RPS6KC1: variants seen among roughly 807,000 people sequenced by gnomAD.
The protein encoded by RPS6KC1 is inactive ribosomal protein S6 kinase delta-1.
RPS6KC1 carries 54 observed loss-of-function variants against 103.8 expected under a neutral mutation model. That is an observed-to-expected ratio of 0.52 (90% CI 0.42 to 0.65). The LOEUF is 0.65. RPS6KC1 is among the 30% of genes least tolerant of loss of function. The pLI is 0.00. For missense variants in RPS6KC1, 1,151 were observed against 1,253.8 expected (o/e 0.92, Z 1.24); for synonymous variants, 439 against 438.7 (o/e 1.00, Z -0.01).
chr1:213,513,492 G>T, the RPS6KC1 span, among the ~76,000 whole-genome samples: 2 of 152,126 alleles, frequency 1.3e-5, no homozygotes, highest in East Asian at 3.8e-4. Flanking sequence ...TCTCTTAAGG[G>T]TTTAGGGTGG....
the RPS6KC1 span, among the ~76,000 whole-genome samples, chr1:213,732,348 A>AGTGTGT: frequency 0.1 from 7,946 of 79,074 alleles, 278 homozygotes; most frequent in Middle Eastern, 0.24. Flanking sequence ...TGTATGTATG[A>AGTGTGT]GTGTGCGTGT....
chr1:213,163,409 C>T (rs2090660283), intron 6 of RPS6KC1, among the ~76,000 whole-genome samples: 1 of 152,214 alleles, frequency 6.6e-6, no homozygotes, highest in Non-Finnish European at 1.5e-5. Flanking sequence ...GGATTAACTT[C>T]TGTGCATGTG....
the RPS6KC1 span, among the ~76,000 whole-genome samples, chr1:213,681,898 C>T: frequency 6.6e-6 from 1 of 152,176 alleles, no homozygotes; most frequent in Non-Finnish European, 1.5e-5. Flanking sequence ...AAATTCAACA[C>T]AAGAGTCTCA....
At chr1:213,545,435 G>A in the RPS6KC1 span, among the ~76,000 whole-genome samples, 15,857 of 64,072 alleles carry the variant, frequency 0.25, 971 homozygotes, top group East Asian at 0.39. Flanking sequence ...TAAAATAAAA[G>A]AGAGAGAGAG....
the RPS6KC1 span, among the ~76,000 whole-genome samples, chr1:213,741,626 C>A: frequency 1.3e-5 from 2 of 152,126 alleles, no homozygotes; most frequent in Non-Finnish European, 2.9e-5. Context: ...CTGTTCCTGG[C>A]TCTGTGGAGA....
the RPS6KC1 span, among the ~76,000 whole-genome samples, chr1:213,719,245 A>G: frequency 1.3e-5 from 2 of 152,214 alleles, no homozygotes; most frequent in Non-Finnish European, 2.9e-5. Context: ...TATATTATTC[A>G]ATATAGTTAT....
the RPS6KC1 span, among the ~76,000 whole-genome samples, chr1:213,328,466 G>A: frequency 6.9e-6 from 1 of 144,888 alleles, no homozygotes; most frequent in Non-Finnish European, 1.5e-5. Flanking sequence ...TTCATCGTCT[G>A]TGTTCAACTT....
At chr1:213,414,018 G>T in the RPS6KC1 span, among the ~76,000 whole-genome samples, 21 of 152,196 alleles carry the variant, frequency 1.4e-4, no homozygotes, top group Admixed American at 1.4e-3. Context: ...TTACCCAGGG[G>T]TCTTCACTTT....
chr1:213,551,781 G>A, the RPS6KC1 span, among the ~76,000 whole-genome samples: 1 of 152,178 alleles, frequency 6.6e-6, no homozygotes, highest in East Asian at 1.9e-4. Flanking sequence ...TTGGACAAAT[G>A]TATGACAGGT....
chr1:213,390,995 A>G, the RPS6KC1 span, among the ~76,000 whole-genome samples: 1 of 151,922 alleles, frequency 6.6e-6, no homozygotes, highest in Non-Finnish European at 1.5e-5. Flanking sequence ...ATACCGATGT[A>G]TATGATTCTA....
chr1:213,474,057 C>T, the RPS6KC1 span, among the ~76,000 whole-genome samples: 1 of 152,206 alleles, frequency 6.6e-6, no homozygotes, highest in Non-Finnish European at 1.5e-5. Context: ...CCAGCTGCTT[C>T]TCCAAAGCTG....
At chr1:213,307,402 C>T in the RPS6KC1 span, among the ~76,000 whole-genome samples, 3 of 152,120 alleles carry the variant, frequency 2.0e-5, no homozygotes, top group African/African-American at 2.4e-5. Context: ...TCCCATAGAA[C>T]TAACCATATG....
At chr1:213,718,755 G>C in the RPS6KC1 span, among the ~76,000 whole-genome samples, 536 of 152,326 alleles carry the variant, frequency 3.5e-3, 2 homozygotes, top group African/African-American at 0.012. Flanking sequence ...CTGGGCTTTG[G>C]GGGAGGAGGT....
the RPS6KC1 span, among the ~76,000 whole-genome samples, chr1:213,843,003 C>T: frequency 6.6e-6 from 1 of 152,168 alleles, no homozygotes; most frequent in South Asian, 2.1e-4. Context: ...GTGGGGCTGG[C>T]AAATCAGTAG....
At chr1:213,110,258 T>G (rs900104430) in intron 4 of RPS6KC1, among the ~76,000 whole-genome samples, 1 of 152,232 alleles carries the variant, frequency 6.6e-6, no homozygotes, top group East Asian at 1.9e-4. Flanking sequence ...GTCACATACT[T>G]TCCTGTGTCT....
the RPS6KC1 span, among the ~76,000 whole-genome samples, chr1:213,859,337 T>C: frequency 7.2e-5 from 11 of 152,344 alleles, no homozygotes; most frequent in Admixed American, 3.9e-4. Flanking sequence ...AAAAGCATTA[T>C]TAACATGATT....
chr1:213,236,304 T>C (rs182673383), intron 10 of RPS6KC1, among the ~76,000 whole-genome samples: 58 of 152,334 alleles, frequency 3.8e-4, no homozygotes, highest in Non-Finnish European at 6.9e-4. Context: ...AGAGTCTGAA[T>C]GTATTTTGAA....
chr1:213,670,184 G>A, the RPS6KC1 span, among the ~76,000 whole-genome samples: 2 of 152,190 alleles, frequency 1.3e-5, no homozygotes, highest in African/African-American at 4.8e-5. Context: ...GTTCCTGTAG[G>A]TGAGAGAGGC....
At chr1:213,073,744 T>C (rs1313385788) in intron 2 of RPS6KC1, among the ~76,000 whole-genome samples, 1 of 152,110 alleles carries the variant, frequency 6.6e-6, no homozygotes, top group African/African-American at 2.4e-5. Context: ...GGCATGATCT[T>C]GGCTCACTGC....
Sources: allele counts gnomAD v4.1 joint callset (sites outside exome capture counted in the v4.1 genomes callset), GRCh38; gene constraint gnomAD v4.1.1; transcripts MANE v1.5; gene names NCBI Gene and HGNC (gene_info 2026-07-23, HGNC 2026-07-21).